DENND1B: variants seen among roughly 807,000 people sequenced by gnomAD.
DENND1B encodes DENN domain containing 1B, also known as DENN domain-containing protein 1B.
In DENND1B, 59 loss-of-function variants were observed where a neutral mutation model predicts 90.1. The ratio of observed to expected loss-of-function variants is 0.65; its 90% CI spans 0.53 to 0.81. The LOEUF is 0.81. Ranked by LOEUF, DENND1B falls within the 40% of genes least tolerant of loss-of-function variation. The pLI, the probability that DENND1B is intolerant of heterozygous loss-of-function variation, is 0.00. For missense variants in DENND1B, 862 were observed against 912.6 expected (o/e 0.94, Z 0.71); for synonymous variants, 337 against 324.6 (o/e 1.04, Z -0.41).
chr1:197,572,959 T>C (rs1308602676), intron 15 of DENND1B, among the ~76,000 whole-genome samples: 1 of 152,224 alleles, frequency 6.6e-6, no homozygotes, highest in Non-Finnish European at 1.5e-5. Flanking sequence ...GACGGTAGTT[T>C]GAATTTCTGT....
intron 18 of DENND1B, 95 bp from the exon 19 acceptor site, chr1:197,541,110 T>C (rs1670305893): frequency 9.3e-7 from 1 of 1,075,148 alleles, no homozygotes; most frequent in African/African-American, 1.6e-5. Context: ...AATTACTAAA[T>C]ATTCATATGA....
chr1:197,639,181 A>T (rs1680061223), intron 10 of DENND1B, among the ~76,000 whole-genome samples: 1 of 151,514 alleles, frequency 6.6e-6, no homozygotes, highest in African/African-American at 2.4e-5. Context: ...CTCTTGCCTC[A>T]GCCTCCCGAG....
intron 2 of DENND1B, among the ~76,000 whole-genome samples, chr1:197,729,133 CCA>C (rs976650917): frequency 6.6e-6 from 1 of 152,148 alleles, no homozygotes; most frequent in Non-Finnish European, 1.5e-5. Flanking sequence ...AATACTACAA[CCA>C]CACAGACTAT....
intron 10 of DENND1B, 57 bp from the exon 11 acceptor site, chr1:197,617,816 G>C (rs1318306381): frequency 7.5e-6 from 9 of 1,206,068 alleles, no homozygotes; most frequent in Non-Finnish European, 1.1e-5. Flanking sequence ...CAAACAAAAA[G>C]CAATGTTCAA....
In DENND1B at chr1:197,735,911, C is replaced by T. The variant is rs562175454; in HGVS notation, c.83-20837G>A. On this transcript the variant is annotated intron_variant, in intron 2 of 22. Coordinates refer to ENST00000620048, the MANE Select transcript of DENND1B (RefSeq NM_001195215.2). ...GTGCCTCTCCTGCTGATATAATGGCCAAGAGGAATCAGAAACCTGAAGTTA... is the reference window on the plus strand; with the variant it reads ...GTGCCTCTCCTGCTGATATAATGGCTAAGAGGAATCAGAAACCTGAAGTTA... 17 of 1,519,578 alleles carry T rather than the reference C, an allele frequency of 1.1e-5. No homozygotes were observed. The South Asian group carries it at 1.5e-4, about 13-fold the overall frequency. 94.1% of individuals were successfully genotyped at this position (1,519,578 alleles called of 1,614,324 possible).
chr1:197,699,076 C>T (rs1245085877), intron 3 of DENND1B, among the ~76,000 whole-genome samples: 1 of 152,100 alleles, frequency 6.6e-6, no homozygotes, highest in Non-Finnish European at 1.5e-5. Context: ...CCAGCATAAT[C>T]CTGATACCAA....
intron 2 of DENND1B, among the ~76,000 whole-genome samples, chr1:197,754,808 A>G (rs1329857733): frequency 2.0e-5 from 3 of 152,166 alleles, no homozygotes; most frequent in African/African-American, 7.2e-5. Flanking sequence ...ATGCATATTC[A>G]TGCAAATATA....
chr1:197,736,879 G>A (rs546432836), intron 2 of DENND1B, among the ~76,000 whole-genome samples: 6 of 152,048 alleles, frequency 3.9e-5, no homozygotes, highest in South Asian at 2.1e-4. Context: ...TTTTATTTGC[G>A]ACTGCTGAGT....
At chr1:197,714,695 C>G (rs1438682709) in intron 3 of DENND1B, among the ~76,000 whole-genome samples, 1 of 152,086 alleles carries the variant, frequency 6.6e-6, no homozygotes, top group Non-Finnish European at 1.5e-5. Flanking sequence ...GTATATTTAA[C>G]AAAGATTTCA....
chr1:197,746,993 G>A (rs1230909664), intron 2 of DENND1B: 3 of 956,116 alleles, frequency 3.1e-6, no homozygotes, highest in Non-Finnish European at 5.2e-6. Flanking sequence ...CTCTCTTCAA[G>A]GCCTGATTTC....
intron 7 of DENND1B, among the ~76,000 whole-genome samples, chr1:197,648,624 T>C (rs1047479618): frequency 1.6e-4 from 25 of 152,152 alleles, no homozygotes; most frequent in African/African-American, 6.0e-4. Context: ...GAAATTACCA[T>C]TTTTTGGAAA....
At chr1:197,763,377 A>T (rs572384556) in intron 2 of DENND1B, among the ~76,000 whole-genome samples, 1 of 152,358 alleles carries the variant, frequency 6.6e-6, no homozygotes, top group Non-Finnish European at 1.5e-5. Context: ...AACAAAAATT[A>T]TTAAGCCCAT....
intron 10 of DENND1B, among the ~76,000 whole-genome samples, chr1:197,641,261 T>C (rs753878527): frequency 1.3e-5 from 2 of 152,156 alleles, no homozygotes; most frequent in Non-Finnish European, 2.9e-5. Context: ...TTTAAAAATA[T>C]CCTTTTTAAT....
At chr1:197,619,142 A>G (rs1677919614) in intron 10 of DENND1B, among the ~76,000 whole-genome samples, 1 of 151,240 alleles carries the variant, frequency 6.6e-6, no homozygotes, top group Non-Finnish European at 1.5e-5. Flanking sequence ...CCTTGTACTT[A>G]CAAGCTTTAA....
intron 1 of DENND1B, among the ~76,000 whole-genome samples, chr1:197,773,988 G>A (rs945948236): frequency 3.9e-5 from 6 of 152,084 alleles, no homozygotes; most frequent in African/African-American, 1.4e-4. Flanking sequence ...TTTCTTATAA[G>A]ATATGAATCT....
At chr1:197,749,663 T>C (rs1388933316) in intron 2 of DENND1B, among the ~76,000 whole-genome samples, 1 of 152,132 alleles carries the variant, frequency 6.6e-6, no homozygotes, top group Non-Finnish European at 1.5e-5. Flanking sequence ...GGCCAGATCA[T>C]ACTTCAAATT....
Position 197,507,365 on chromosome 1 carries a change from A to T in DENND1B, c.*3095T>A, listed in dbSNP as rs1229805888. The T allele has an allele frequency of 6.6e-6, 1 of 151,294 alleles. No homozygotes were observed. The highest frequency in any genetic ancestry group is 1.5e-5 in the Non-Finnish European group (1 of 67,568). The allele number at this position is 151,294 out of a possible 1,614,324, so 9.4% of individuals were successfully genotyped here. On this transcript the variant is annotated 3_prime_UTR_variant, in exon 23 of 23. Coordinates refer to ENST00000620048, the MANE Select transcript of DENND1B (RefSeq NM_001195215.2). ...TAACTAATTTTAATTAACTGAAAAA[A>T]TAATCATGCTATGTTTTGGTGCTTT...
chr1:197,587,940 C>CT (rs1674854202), intron 14 of DENND1B, among the ~76,000 whole-genome samples: 3 of 151,976 alleles, frequency 2.0e-5, no homozygotes, highest in Admixed American at 2.0e-4. Context: ...AGCATGCAAC[C>CT]TAGATCCCTC....
At chr1:197,749,551 C>A (rs1653169073) in intron 2 of DENND1B, among the ~76,000 whole-genome samples, 1 of 151,938 alleles carries the variant, frequency 6.6e-6, no homozygotes, top group Non-Finnish European at 1.5e-5. Flanking sequence ...AATTATCCTT[C>A]AAAAATTAAG....
Sources: gnomAD v4.1 joint callset for allele counts (sites outside exome capture counted in the v4.1 genomes callset) on GRCh38, gnomAD v4.1.1 for gene constraint, MANE v1.5 for transcripts, NCBI Gene and HGNC (gene_info 2026-07-23, HGNC 2026-07-21) for gene names.